Variants in ABCA12 observed in about 807,000 individuals in gnomAD.
ABCA12 encodes the protein glucosylceramide transporter ABCA12.
Under a neutral mutation model 293.5 loss-of-function variants are expected in ABCA12, and 156 were observed. That is an observed-to-expected ratio of 0.53 (90% CI 0.47 to 0.61). The LOEUF (loss-of-function observed/expected upper bound fraction) is 0.61, where lower values mean the gene tolerates loss of function less well. Among genes scored for constraint, ABCA12 ranks in the 20% least tolerant of loss-of-function variants. The pLI, the probability that ABCA12 is intolerant of heterozygous loss-of-function variation, is 0.00. For missense variants in ABCA12, 2,797 were observed against 3,090.2 expected (o/e 0.91, Z 2.25); for synonymous variants, 1,063 against 1,108.0 (o/e 0.96, Z 0.81).
intron 50 of ABCA12, among the ~76,000 whole-genome samples, 160 bp downstream of exon 50, chr2:214,942,765 A>C (rs1698448410): frequency 6.6e-6 from 1 of 152,224 alleles, no homozygotes; most frequent in Non-Finnish European, 1.5e-5. Flanking sequence ...TCCCCAATAA[A>C]ATAATTTAAA....
At chr2:215,062,510 A>G (rs1479814720) in intron 3 of ABCA12, among the ~76,000 whole-genome samples, 1 of 151,948 alleles carries the variant, frequency 6.6e-6, no homozygotes, top group Non-Finnish European at 1.5e-5. Context: ...CACAATGCGA[A>G]TCCCCTTACC....
At chr2:214,973,092 T>C (rs1699424249) in intron 36 of ABCA12, among the ~76,000 whole-genome samples, 1 of 152,218 alleles carries the variant, frequency 6.6e-6, no homozygotes, top group African/African-American at 2.4e-5. Flanking sequence ...CCCAATGTGC[T>C]GGGATTACAG....
chr2:215,104,677 C>T (rs1575046791), intron 2 of ABCA12, among the ~76,000 whole-genome samples: 1 of 152,154 alleles, frequency 6.6e-6, no homozygotes, highest in Non-Finnish European at 1.5e-5. Context: ...GGAGGAAGTA[C>T]AGGATGGGTC....
intron 14 of ABCA12, 120 bp downstream of exon 14, chr2:215,017,888 A>G (rs1700541073): frequency 7.0e-7 from 1 of 1,427,908 alleles, no homozygotes; most frequent in African/African-American, 1.4e-5. Flanking sequence ...TCACTTGCAT[A>G]GAAAATTCAC....
intron 1 of ABCA12, among the ~76,000 whole-genome samples, chr2:215,135,025 C>T (rs892314838): frequency 6.6e-6 from 1 of 152,082 alleles, no homozygotes; most frequent in African/African-American, 2.4e-5. Context: ...TGCAGTGGCA[C>T]AATCTCAGCT....
At chr2:215,120,945 C>T (rs1702793107) in intron 1 of ABCA12, among the ~76,000 whole-genome samples, 1 of 152,146 alleles carries the variant, frequency 6.6e-6, no homozygotes, top group East Asian at 1.9e-4. Context: ...ATATGTTCCC[C>T]AGGATGAATT....
rs774999725 is a variant in ABCA12 at position 215,001,021 on chromosome 2, C to A, written c.2864-1G>T. On this transcript the variant is annotated splice_acceptor_variant, in intron 21 of 52. Transcript: ENST00000272895. LOFTEE classifies it high-confidence loss of function. ...TTAGAAGGAAGCTTAAAAATAACAC[C>A]TAAAAATAAAATGGCAACAACAGCA... is the stretch of plus-strand genomic sequence containing the variant. 1 of 1,613,726 alleles carries A rather than the reference C, an allele frequency of 6.2e-7. No individual in the cohort carries two copies. Among genetic ancestry groups the A allele is most frequent in the Non-Finnish European group, 8.5e-7 (1 of 1,179,828 alleles).
chr2:215,083,185 T>C (rs891822374), intron 2 of ABCA12, among the ~76,000 whole-genome samples: 1 of 152,220 alleles, frequency 6.6e-6, no homozygotes, highest in East Asian at 1.9e-4. Context: ...TAGATCTTGT[T>C]ACTGAGATGT....
chr2:215,070,615 A>G (rs1464681429), intron 2 of ABCA12, among the ~76,000 whole-genome samples: 8 of 136,940 alleles, frequency 5.8e-5, no homozygotes, highest in Non-Finnish European at 7.6e-5. Flanking sequence ...ATTCCCATCT[A>G]TGAGTGAGAA....
intron 14 of ABCA12, among the ~76,000 whole-genome samples, 179 bp from the exon 15 acceptor site, chr2:215,015,842 C>G (rs2106007652): frequency 6.6e-6 from 1 of 152,314 alleles, no homozygotes; most frequent in South Asian, 2.1e-4. Context: ...ATTAATAGTT[C>G]ACTTAAGAAA....
intron 35 of ABCA12, 37 bp from the exon 36 acceptor site, chr2:214,974,079 GTA>G (rs1301458595): frequency 6.5e-7 from 1 of 1,547,264 alleles, no homozygotes; most frequent in South Asian, 1.1e-5. Context: ...AGGTGTGTAT[GTA>G]TATGTGTTCT....
intron 47 of ABCA12, chr2:214,948,036 T>C (rs1268685741): frequency 1.1e-5 from 2 of 187,398 alleles, no homozygotes; most frequent in African/African-American, 4.8e-5. Context: ...CTTGCAGTTA[T>C]TTCTGAAGTT....
intron 3 of ABCA12, 127 bp downstream of exon 3, chr2:215,063,939 A>G: frequency 8.9e-7 from 1 of 1,128,342 alleles, no homozygotes; most frequent in Non-Finnish European, 1.3e-6. Context: ...TCATATTTAG[A>G]TCATCACATT....
At chr2:214,938,724 T>C (rs1261097071) in intron 50 of ABCA12, among the ~76,000 whole-genome samples, 1 of 151,638 alleles carries the variant, frequency 6.6e-6, no homozygotes, top group Non-Finnish European at 1.5e-5. Flanking sequence ...AGTAATGAGA[T>C]TTTCTTCATG....
chr2:215,003,818 C>T (rs995741159), intron 20 of ABCA12, among the ~76,000 whole-genome samples: 1 of 152,076 alleles, frequency 6.6e-6, no homozygotes, highest in African/African-American at 2.4e-5. Context: ...CAGGCGTGCA[C>T]CACCATGCCC....
At chr2:214,957,033 C>A (rs1698973449) in intron 41 of ABCA12, among the ~76,000 whole-genome samples, 1 of 152,194 alleles carries the variant, frequency 6.6e-6, no homozygotes, top group South Asian at 2.1e-4. Flanking sequence ...CCTGGTGTTC[C>A]TGCCTCTAGG....
chr2:215,072,721 C>G (rs1701760905), intron 2 of ABCA12, among the ~76,000 whole-genome samples: 1 of 152,188 alleles, frequency 6.6e-6, no homozygotes, highest in African/African-American at 2.4e-5. Context: ...AGATAATAAA[C>G]TCCCTTGTGA....
At chr2:214,975,176 A>C (rs7603043) in intron 34 of ABCA12, among the ~76,000 whole-genome samples, 75,768 of 152,040 alleles carry the variant, frequency 0.5, 19,020 homozygotes, top group South Asian at 0.59. Context: ...CGTTGGCAGG[A>C]TGGTCTCAAA....
intron 7 of ABCA12, among the ~76,000 whole-genome samples, chr2:215,043,277 C>G (rs1187854264): frequency 4.6e-5 from 7 of 152,024 alleles, no homozygotes; most frequent in Admixed American, 2.0e-4. Context: ...TGTTTTTTTG[C>G]TACTAAGGTG....
Sources: allele counts gnomAD v4.1 joint callset (sites outside exome capture counted in the v4.1 genomes callset), GRCh38; gene constraint gnomAD v4.1.1; transcripts MANE v1.5; gene names NCBI Gene and HGNC (gene_info 2026-07-23, HGNC 2026-07-21).